Variants in FIP1L1 observed in about 807,000 individuals in gnomAD.
FIP1L1 encodes the protein factor interacting with PAPOLA and CPSF1, also known as pre-mRNA 3'-end-processing factor FIP1.
In FIP1L1, 21 loss-of-function variants were observed where a neutral mutation model predicts 84.6. The ratio of observed to expected loss-of-function variants is 0.25; its 90% confidence interval spans 0.18 to 0.36. FIP1L1 has a LOEUF of 0.36. Among genes scored for constraint, FIP1L1 ranks in the 10% least tolerant of loss-of-function variants. FIP1L1 has a pLI of 1.00. For synonymous variants in FIP1L1, 263 were observed against 242.3 expected (o/e 1.09, Z -0.80); for missense variants, 526 against 751.1 (o/e 0.70, Z 3.50).
At chr4:53,388,384 GGCTGGAGT>G (rs1742283670) in intron 5 of FIP1L1, among the ~76,000 whole-genome samples, 2 of 151,652 alleles carry the variant, frequency 1.3e-5, no homozygotes, top group Non-Finnish European at 1.5e-5. Flanking sequence ...CTTTTGCCCA[GGCTGGAGT>G]GCAGTGGCGC....
In FIP1L1 at chr4:53,451,458, A is replaced by C. The variant is rs532899783; in HGVS notation, c.1286-1462A>C. 3.0e-4 allele frequency among the ~76,000 whole-genome samples: 45 copies of C among 151,996 alleles called. No homozygotes were observed. In the South Asian group the frequency reaches 5.4e-3, roughly 18 times the overall value. On this transcript the variant is annotated intron_variant, in intron 15 of 17. Transcript: ENST00000337488. Reference sequence around the variant, plus strand: ...TTTTTATTACTGAGAATATTTAGCTATTTGAACTTAACTGTCCACCTACAT... The same window carrying C: ...TTTTTATTACTGAGAATATTTAGCTCTTTGAACTTAACTGTCCACCTACAT...
chr4:53,428,136 C>T lies in FIP1L1; in HGVS notation c.1127C>T (p.Pro376Leu). ...PTHLPPPPFLPPPPTVSTAPP... is the reference protein window; with the variant it reads ...PTHLPPPPFLLPPPTVSTAPP... ...CACCTTCCACCTCCTCCATTTCTTC[C>T]ACCTCCTCCGACTGTCAGCACTGCT... The change falls in exon 13 of 18, where the codon CCA becomes CTA. Residue 376 changes from proline (P) to leucine (L), a missense_variant. Physicochemically the swap from Pro to Leu is moderately conservative, Grantham distance 98 (BLOSUM62 -3). Around this residue, in one of 6 missense-constraint regions of FIP1L1, gnomAD observed 80 missense variants for 151.1 expected, o/e 0.53. Transcript: ENST00000337488. 1 of 1,608,490 alleles carries T rather than the reference C, an allele frequency of 6.2e-7. No homozygotes were observed. Among genetic ancestry groups the T allele is most frequent in the Non-Finnish European group, 8.5e-7 (1 of 1,176,044 alleles).
rs1486471957 is a variant in FIP1L1 at position 53,390,576 on chromosome 4, A to T, written c.453A>T (p.Pro151=). The T allele has an allele frequency of 3.7e-6, 6 of 1,613,158 alleles. No homozygotes were observed. Among genetic ancestry groups the T allele is most frequent in the East Asian group, 4.5e-5 (2 of 44,818 alleles). Residue 151 remains proline (P), a synonymous_variant, in exon 7 of 18, where the codon CCA becomes CCT. Coordinates refer to ENST00000337488, the MANE Select transcript of FIP1L1 (RefSeq NM_030917.4). ...CACCTGGAAGCATTAATGGAGTTCC[A>T]CTCTTAGAGGTAGATTTGGATTCTT... ...LDAPGSINGV[P]LLEVDLDSFE... is the part of the protein sequence containing the mutation.
intron 16 of FIP1L1, among the ~76,000 whole-genome samples, chr4:53,457,443 G>T (rs1464613493): frequency 6.6e-6 from 1 of 151,964 alleles, no homozygotes; most frequent in East Asian, 1.9e-4. Flanking sequence ...TACATTTTCT[G>T]TTTTTTTAAA....
At chr4:53,448,972 T>G (rs1330423108) in intron 15 of FIP1L1, among the ~76,000 whole-genome samples, 1 of 152,166 alleles carries the variant, frequency 6.6e-6, no homozygotes, top group African/African-American at 2.4e-5. Flanking sequence ...AGTTGTTTGG[T>G]TGGTTATTTT....
At chr4:53,399,250 T>C (rs767170721) in intron 9 of FIP1L1, among the ~76,000 whole-genome samples, 2 of 152,222 alleles carry the variant, frequency 1.3e-5, no homozygotes, top group Non-Finnish European at 2.9e-5. Flanking sequence ...TGTATGGATG[T>C]ACAGTAGCAG....
chr4:53,444,361 G>A (rs1339442387), intron 15 of FIP1L1, among the ~76,000 whole-genome samples: 1 of 152,138 alleles, frequency 6.6e-6, no homozygotes, highest in East Asian at 1.9e-4. Flanking sequence ...AAGGATTTAG[G>A]ATTTGTCACC....
chr4:53,391,411 A>T lies in FIP1L1; in HGVS notation c.637-19A>T, dbSNP rs1744190793. ...AATATTATGTGGTATCTTAATGGGGAATATGTTATTTAACTTAGGCCGAAG... is the reference window on the plus strand; with the variant it reads ...AATATTATGTGGTATCTTAATGGGGTATATGTTATTTAACTTAGGCCGAAG... On this transcript the variant is annotated intron_variant, in intron 8 of 17. Transcript: ENST00000337488. The T allele has an allele frequency of 6.3e-7, 1 of 1,599,164 alleles. No individual in the cohort carries two copies. Among genetic ancestry groups the T allele is most frequent in the Admixed American group, 1.7e-5 (1 of 59,926 alleles).
At chr4:53,425,698 A>G (rs1249391460) in intron 11 of FIP1L1, 174 bp from the exon 12 acceptor site, 6 of 470,244 alleles carry the variant, frequency 1.3e-5, no homozygotes, top group African/African-American at 2.0e-5. Context: ...AAAAATTTTT[A>G]TGACAATGCA....
At chr4:53,412,385 A>G (rs1022223223) in intron 10 of FIP1L1, among the ~76,000 whole-genome samples, 1 of 152,082 alleles carries the variant, frequency 6.6e-6, no homozygotes, top group Admixed American at 6.5e-5. Context: ...CTTTATGGCA[A>G]TGTTTTCTTT....
intron 11 of FIP1L1, among the ~76,000 whole-genome samples, chr4:53,422,989 T>A (rs2149920508): frequency 6.6e-6 from 1 of 152,334 alleles, no homozygotes; most frequent in African/African-American, 2.4e-5. Context: ...GTGTTGGCAT[T>A]ACATGCGTGA....
chr4:53,395,919 A>ATTTTTTTTTTTTTTTTTTTTT (rs11400535), intron 9 of FIP1L1, among the ~76,000 whole-genome samples: 1 of 147,814 alleles, frequency 6.8e-6, no homozygotes. Context: ...GTATTTTATG[A>ATTTTTTTTTTTTTTTTTTTTT]TTTTTTTTTT....
rs531488760 is a variant in FIP1L1 at position 53,381,753 on chromosome 4, CTTTTTT to C, written c.171-506_171-501del. ...AATAAACTGTGAAGGCATTTGCATTCTTTTTTTTTTTTTTTTTTTTTTTTGAGACAG... is the reference window on the plus strand; with the variant it reads ...AATAAACTGTGAAGGCATTTGCATTCTTTTTTTTTTTTTTTTTTGAGACAG... On this transcript the variant is annotated intron_variant, in intron 3 of 17. Coordinates refer to ENST00000337488, the MANE Select transcript of FIP1L1 (RefSeq NM_030917.4). Among the ~76,000 whole-genome samples the C allele has an allele frequency of 2.2e-4, 19 of 87,938 alleles. 1 individual carries two copies. The highest frequency in any genetic ancestry group is 8.3e-4 in the East Asian group (2 of 2,406). The allele number at this position is 87,938 out of a possible 152,430, so 57.7% of individuals were successfully genotyped here.
intron 15 of FIP1L1, among the ~76,000 whole-genome samples, chr4:53,448,107 T>G (rs1443882662): frequency 1.3e-5 from 2 of 152,142 alleles, no homozygotes; most frequent in Non-Finnish European, 1.5e-5. Flanking sequence ...AAAGATATTC[T>G]TTAATACTTT....
At chr4:53,405,393 G>T (rs1446805597) in intron 10 of FIP1L1, among the ~76,000 whole-genome samples, 1 of 152,182 alleles carries the variant, frequency 6.6e-6, no homozygotes, top group African/African-American at 2.4e-5. Context: ...CCAGTACCAT[G>T]CTGTTTTGGT....
chr4:53,381,205 A>T (rs1157016151), intron 3 of FIP1L1, among the ~76,000 whole-genome samples: 1 of 152,190 alleles, frequency 6.6e-6, no homozygotes, highest in African/African-American at 2.4e-5. Flanking sequence ...AAAACTTCCA[A>T]AAGAGTAGGC....
At chr4:53,449,432 T>C (rs568090291) in intron 15 of FIP1L1, among the ~76,000 whole-genome samples, 1 of 152,256 alleles carries the variant, frequency 6.6e-6, no homozygotes, top group East Asian at 1.9e-4. Context: ...ATTCTTCTAA[T>C]ATTAAGCTAC....
At chr4:53,455,002 T>C (rs1560589952) in intron 16 of FIP1L1, among the ~76,000 whole-genome samples, 1 of 152,232 alleles carries the variant, frequency 6.6e-6, no homozygotes, top group East Asian at 1.9e-4. Context: ...TTTTATGTTA[T>C]ATAGATAGTG....
intron 13 of FIP1L1, among the ~76,000 whole-genome samples, chr4:53,433,672 G>A (rs1296646474): frequency 1.3e-5 from 2 of 152,208 alleles, no homozygotes; most frequent in Non-Finnish European, 2.9e-5. Context: ...CTGCTGAGTT[G>A]AAGAAGGGTC....
Sources: gnomAD v4.1 joint callset for allele counts (sites outside exome capture counted in the v4.1 genomes callset) on GRCh38, gnomAD v4.1.1 for gene constraint, gnomAD v4.1.1 regional missense constraint, MANE v1.5 for transcripts, NCBI Gene and HGNC (gene_info 2026-07-23, HGNC 2026-07-21) for gene names.